ATP11A: variants seen among roughly 807,000 people sequenced by gnomAD.
ATP11A encodes the protein ATPase phospholipid transporting 11A, also known as phospholipid-transporting ATPase IH.
ATP11A carries 81 observed loss-of-function variants against 154.4 expected under a neutral mutation model. That is an observed-to-expected ratio of 0.52 (90% CI 0.44 to 0.63). The LOEUF (loss-of-function observed/expected upper bound fraction) is 0.63, where lower values mean the gene tolerates loss of function less well. Ranked by LOEUF, ATP11A falls within the 30% of genes least tolerant of loss-of-function variation. The probability of loss-of-function intolerance (pLI) is 0.00; values close to 1 mark genes in which losing one functional copy is unlikely to be tolerated. For missense variants in ATP11A, 1,316 were observed against 1,474.3 expected (o/e 0.89, Z 1.76); for synonymous variants, 623 against 585.9 (o/e 1.06, Z -0.91).
In ATP11A at chr13:112,815,989, A is replaced by C. The variant is rs1454344840; in HGVS notation, c.442-94A>C. The C allele has an allele frequency of 3.0e-5, 46 of 1,546,178 alleles. No individual in the cohort carries two copies. The South Asian group carries it at 5.2e-4, about 18-fold the overall frequency. On this transcript the variant is annotated intron_variant, in intron 5 of 29. Transcript: ENST00000375645. ...TCCACATCCCCGTGTCTTCCTGTGA[A>C]TAGATGAGCAGCTTGAGGGAAGCGG...
intron 2 of ATP11A, among the ~76,000 whole-genome samples, chr13:112,793,338 A>G (rs2140086011): frequency 6.6e-6 from 1 of 152,320 alleles, no homozygotes; most frequent in Middle Eastern, 3.4e-3. Flanking sequence ...AGTAGCTGGA[A>G]CTACAGGTGC....
At chr13:112,745,509 T>C (rs1354420178) in intron 1 of ATP11A, 10 of 152,258 alleles carry the variant, frequency 6.6e-5, no homozygotes, top group Admixed American at 6.5e-4. Flanking sequence ...TACTAAGCTC[T>C]TACTGTGTAC....
chr13:112,821,574 G>A (rs2078798547), intron 8 of ATP11A, among the ~76,000 whole-genome samples: 1 of 152,162 alleles, frequency 6.6e-6, no homozygotes, highest in East Asian at 1.9e-4. Context: ...GCCTCCTAGA[G>A]TATTGGGATT....
At chr13:112,809,573 G>A (rs751152353) in intron 4 of ATP11A, among the ~76,000 whole-genome samples, 3 of 152,124 alleles carry the variant, frequency 2.0e-5, no homozygotes, top group Non-Finnish European at 4.4e-5. Flanking sequence ...CAGTGGGCCC[G>A]TGGCACAGGC....
rs775593463 is a variant in ATP11A, at chr13:112,871,800, G to A, written c.3057G>A (p.Lys1019=). 1.9e-6 allele frequency: 3 copies of A among 1,614,062 alleles called. No homozygotes were observed. Among genetic ancestry groups the A allele is most frequent in the Non-Finnish European group, 2.5e-6 (3 of 1,179,902 alleles). Reference sequence around the variant, plus strand: ...TGATGGTGTTCACAGTTACACTAAAGGTAAGTGGTCTCGCGCTCACGTTCC... The same window carrying A: ...TGATGGTGTTCACAGTTACACTAAAAGTAAGTGGTCTCGCGCTCACGTTCC... The part of the protein sequence containing the change: ...FTVMVFTVTL[K]LALDTHYWTW... The change falls in exon 26 of 30, where the codon AAG becomes AAA. Residue 1019 remains lysine, a splice_region_variant and synonymous_variant. Coordinates refer to ENST00000375645, the MANE Select transcript of ATP11A (RefSeq NM_015205.3).
At chr13:112,824,308 C>T (rs767411997) in intron 9 of ATP11A, 36 bp from the exon 10 acceptor site, 9 of 1,540,792 alleles carry the variant, frequency 5.8e-6, no homozygotes, top group East Asian at 2.2e-5. Context: ...GACACACTTG[C>T]GCCCTGGTCA....
At chr13:112,827,367 C>G (rs1355132023) in intron 12 of ATP11A, among the ~76,000 whole-genome samples, 1 of 152,254 alleles carries the variant, frequency 6.6e-6, no homozygotes, top group African/African-American at 2.4e-5. Context: ...CGCCACACCT[C>G]GAGTGTCTCA....
intron 1 of ATP11A, among the ~76,000 whole-genome samples, chr13:112,701,666 C>A (rs1254470667): frequency 2.6e-5 from 4 of 151,962 alleles, no homozygotes; most frequent in African/African-American, 7.2e-5. Flanking sequence ...CCCCGTCTTT[C>A]CTAAAAATAC....
At chr13:112,744,152 G>A (rs1891853088) in intron 1 of ATP11A, among the ~76,000 whole-genome samples, 1 of 152,222 alleles carries the variant, frequency 6.6e-6, no homozygotes, top group South Asian at 2.1e-4. Context: ...AAAACAAGAA[G>A]GCAGGAGAAT....
intron 1 of ATP11A, among the ~76,000 whole-genome samples, chr13:112,692,150 C>T (rs1885272451): frequency 6.6e-6 from 1 of 152,162 alleles, no homozygotes; most frequent in Non-Finnish European, 1.5e-5. Flanking sequence ...TCAGTTGTGT[C>T]GCTCAGAAGT....
chr13:112,842,145 C>T, intron 16 of ATP11A, 131 bp from the exon 17 acceptor site: 2 of 677,840 alleles, frequency 3.0e-6, no homozygotes, highest in Non-Finnish European at 5.0e-6. Context: ...GTTAACTGGT[C>T]CATTAAAATC....
Position 112,729,164 on chromosome 13 carries a change from G to A in ATP11A, c.39+38709G>A, listed in dbSNP as rs141902809. On this transcript the variant is annotated intron_variant, in intron 1 of 29. Coordinates refer to ENST00000375645, the MANE Select transcript of ATP11A (RefSeq NM_015205.3). The stretch of plus-strand genomic sequence containing the variant: ...AGAATTGGAAGACATTTCTGTTAGC[G>A]TATCATCCCGGGTGCTCCTGGACGC... Among the ~76,000 whole-genome samples, 120 of 152,290 alleles carry A rather than the reference G, an allele frequency of 7.9e-4. 1 individual carries two copies. The highest frequency in any genetic ancestry group is 1.7e-3 in the Admixed American group (26 of 15,292).
Position 112,771,830 on chromosome 13 carries a change from A to G in ATP11A, c.40-13305A>G, listed in dbSNP as rs1362972773. 3.3e-5 allele frequency among the ~76,000 whole-genome samples: 5 copies of G among 152,368 alleles called. No individual in the cohort carries two copies. In the East Asian group the frequency reaches 5.8e-4, roughly 18 times the overall value. ...ACATAAATGTTATAAACACTCCACA[A>G]CAAACAAAGTAACATTTAATATCAA... On this transcript the variant is annotated intron_variant, in intron 1 of 29. Transcript: ENST00000375645.
At chr13:112,810,774 TA>T (rs34348612) in intron 5 of ATP11A, 48 bp downstream of exon 5, 8 of 1,567,262 alleles carry the variant, frequency 5.1e-6, no homozygotes, top group Non-Finnish European at 7.0e-6. Context: ...AGTAACTGTT[TA>T]AAAAATAAGT....
chr13:112,828,169 GGGGGGAAAGCGCCCAGCAGCA>G (rs2078988161), intron 12 of ATP11A, among the ~76,000 whole-genome samples: 3 of 30,186 alleles, frequency 9.9e-5, no homozygotes, highest in African/African-American at 6.0e-4. Context: ...AGCGTTGAGT[GGGGGGAAAGCGCCCAGCAGCA>G]TTGAGTGCGG....
At chr13:112,702,791 C>T (rs1472087830) in intron 1 of ATP11A, among the ~76,000 whole-genome samples, 3 of 152,232 alleles carry the variant, frequency 2.0e-5, no homozygotes, top group African/African-American at 7.2e-5. Flanking sequence ...GGGCGGTGTG[C>T]GTGTCTCGCA....
At chr13:112,774,272 G>T (rs1282306206) in intron 1 of ATP11A, among the ~76,000 whole-genome samples, 1 of 152,194 alleles carries the variant, frequency 6.6e-6, no homozygotes, top group Non-Finnish European at 1.5e-5. Flanking sequence ...CCCAGGTTTC[G>T]TAAGTCATCT....
chr13:112,733,238 G>A (rs979483646), intron 1 of ATP11A, among the ~76,000 whole-genome samples: 1 of 152,136 alleles, frequency 6.6e-6, no homozygotes, highest in African/African-American at 2.4e-5. Context: ...GGGGGCACAC[G>A]GCGCGGGGCA....
intron 1 of ATP11A, among the ~76,000 whole-genome samples, chr13:112,716,860 A>G (rs1888518871): frequency 6.6e-6 from 1 of 152,116 alleles, no homozygotes; most frequent in South Asian, 2.1e-4. Flanking sequence ...TGCGTTCTAA[A>G]GATGGCTATG....
Sources: gnomAD v4.1 joint callset for allele counts (sites outside exome capture counted in the v4.1 genomes callset) on GRCh38, gnomAD v4.1.1 for gene constraint, MANE v1.5 for transcripts, NCBI Gene and HGNC (gene_info 2026-07-23, HGNC 2026-07-21) for gene names.